The following SV2C variants were observed in gnomAD, a reference collection of about 807,000 sequenced individuals.
SV2C encodes synaptic vesicle glycoprotein 2C.
A neutral mutation model predicts 79.7 loss-of-function variants in SV2C; 49 were observed. That is an observed-to-expected ratio of 0.61 (90% CI 0.49 to 0.78). The LOEUF is 0.78. SV2C is among the 30% of genes least tolerant of loss of function. The probability of loss-of-function intolerance (pLI) is 0.00; values close to 1 mark genes in which losing one functional copy is unlikely to be tolerated. For missense variants in SV2C, 833 were observed against 912.9 expected (o/e 0.91, Z 1.13); for synonymous variants, 334 against 333.2 (o/e 1.00, Z -0.03).
chr5:76,235,242 C>T (rs1579971659), intron 4 of SV2C, among the ~76,000 whole-genome samples: 1 of 149,608 alleles, frequency 6.7e-6, no homozygotes, highest in East Asian at 2.0e-4. Flanking sequence ...TTTGAAAGGC[C>T]TAAAGTCAAG....
chr5:76,324,134 T>G (rs1748912887), intron 12 of SV2C, among the ~76,000 whole-genome samples: 1 of 152,156 alleles, frequency 6.6e-6, no homozygotes, highest in Admixed American at 6.5e-5. Context: ...TTCTCTTTAC[T>G]TATCTGATAG....
chr5:76,310,703 T>G (rs1217599524), intron 12 of SV2C, among the ~76,000 whole-genome samples: 3 of 152,064 alleles, frequency 2.0e-5, no homozygotes, highest in African/African-American at 4.8e-5. Context: ...AGACCTGGAA[T>G]AGTTCAAGTC....
the SV2C span, among the ~76,000 whole-genome samples, chr5:75,979,382 C>T: frequency 2.6e-5 from 4 of 151,904 alleles, no homozygotes; most frequent in African/African-American, 9.6e-5. Context: ...TCAAATGGAC[C>T]TGATGCCTAC....
At chr5:76,281,141 T>G in intron 4 of SV2C, 4 of 541,708 alleles carry the variant, frequency 7.4e-6, no homozygotes, top group South Asian at 4.1e-5. Flanking sequence ...TATGGACAAC[T>G]AAGTGAGAAG....
chr5:76,268,325 G>T (rs1265637766), intron 4 of SV2C, among the ~76,000 whole-genome samples: 1 of 152,146 alleles, frequency 6.6e-6, no homozygotes, highest in Admixed American at 6.5e-5. Flanking sequence ...ATGAATACTG[G>T]TGATACTGGA....
the SV2C span, among the ~76,000 whole-genome samples, chr5:76,056,632 T>C: frequency 1.4e-5 from 2 of 146,880 alleles, no homozygotes; most frequent in African/African-American, 5.0e-5. Context: ...TTCTTTTTTT[T>C]TTTTTTTTTT....
At chr5:75,977,462 C>T in the SV2C span, among the ~76,000 whole-genome samples, 4,098 of 152,280 alleles carry the variant, frequency 0.027, 163 homozygotes, top group African/African-American at 0.086. Flanking sequence ...TTCACTGGAA[C>T]TCCTATTTTA....
the SV2C span, among the ~76,000 whole-genome samples, chr5:75,952,814 T>C: frequency 6.6e-6 from 1 of 152,058 alleles, no homozygotes; most frequent in East Asian, 1.9e-4. Context: ...CTCAGGTATT[T>C]CTTTATAGCA....
chr5:76,233,742 T>A (rs1745515989), intron 4 of SV2C, among the ~76,000 whole-genome samples: 1 of 150,638 alleles, frequency 6.6e-6, no homozygotes, highest in Admixed American at 6.6e-5. Flanking sequence ...TGGATTACAT[T>A]TATTGATTTG....
chr5:76,049,024 A>AAAGAGAGAG, the SV2C span, among the ~76,000 whole-genome samples: 2 of 120,520 alleles, frequency 1.7e-5, no homozygotes, highest in Non-Finnish European at 3.5e-5. Flanking sequence ...AGAAAGAAAG[A>AAAGAGAGAG]AAAAGAAAAG....
chr5:76,285,851 A>G lies in SV2C; in HGVS notation c.1118A>G (p.Gln373Arg). ...IHDTNMRARGQPEKVFTVNKI... is the reference protein window; with the variant it reads ...IHDTNMRARGRPEKVFTVNKI... Reference sequence around the variant, plus strand: ...GACACCAACATGAGAGCCCGGGGTCAGCCTGAGAAGGTCTTCACGGTGAGT... The same window carrying G: ...GACACCAACATGAGAGCCCGGGGTCGGCCTGAGAAGGTCTTCACGGTGAGT... Residue 373 changes from glutamine to arginine, a missense_variant, in exon 6 of 13, where the codon CAG becomes CGG. By Grantham distance (43) the Gln-to-Arg change is conservative. Transcript: ENST00000502798. The G allele has an allele frequency of 6.2e-7, 1 of 1,614,110 alleles. No homozygotes were observed. Among genetic ancestry groups the G allele is most frequent in the African/African-American group, 1.3e-5 (1 of 75,074 alleles).
At chr5:76,194,784 C>T in intron 2 of SV2C, 135 bp from the exon 3 acceptor site, 2 of 1,061,764 alleles carry the variant, frequency 1.9e-6, no homozygotes, top group Non-Finnish European at 2.7e-6. Flanking sequence ...TTACTGTGTC[C>T]TGAAGGTTAT....
At chr5:75,881,997 T>G in the SV2C span, among the ~76,000 whole-genome samples, 5 of 149,634 alleles carry the variant, frequency 3.3e-5, no homozygotes, top group African/African-American at 1.3e-4. Flanking sequence ...ATTGAGAGTT[T>G]TTAGCATGAA....
chr5:76,316,108 A>G lies in SV2C; in HGVS notation c.2001-9256A>G, dbSNP rs189649074. Among the ~76,000 whole-genome samples, 8 of 152,312 alleles carry G rather than the reference A, an allele frequency of 5.3e-5. No individual in the cohort carries two copies. The East Asian group carries it at 1.5e-3, about 29-fold the overall frequency. On this transcript the variant is annotated intron_variant, in intron 12 of 12. Transcript: ENST00000502798. ...TTAAACAAAACATCAACATGAGAAA[A>G]CAGTAATATGAATGAAAAAAAAGCA... is the stretch of plus-strand genomic sequence containing the variant.
intron 4 of SV2C, among the ~76,000 whole-genome samples, chr5:76,239,818 C>G (rs1245439502): frequency 6.6e-6 from 1 of 152,190 alleles, no homozygotes; most frequent in Admixed American, 6.5e-5. Flanking sequence ...TCTGTTGCCA[C>G]CCATGCTAGC....
At chr5:75,886,582 T>C in the SV2C span, among the ~76,000 whole-genome samples, 1 of 152,174 alleles carries the variant, frequency 6.6e-6, no homozygotes, top group African/African-American at 2.4e-5. Flanking sequence ...CTGAAGCCAT[T>C]CTGGCTTTAA....
At chr5:76,111,414 G>A (rs1363758305) in intron 1 of SV2C, among the ~76,000 whole-genome samples, 1 of 152,170 alleles carries the variant, frequency 6.6e-6, no homozygotes, top group Non-Finnish European at 1.5e-5. Flanking sequence ...TGTGAATTAT[G>A]TGAGAGAAAT....
chr5:76,166,911 A>T (rs10072459), intron 2 of SV2C, among the ~76,000 whole-genome samples: 1 of 151,968 alleles, frequency 6.6e-6, no homozygotes, highest in Non-Finnish European at 1.5e-5. Context: ...ATGCTTGGGT[A>T]TGGGGTTTTA....
the SV2C span, among the ~76,000 whole-genome samples, chr5:75,958,607 G>A: frequency 6.6e-6 from 1 of 151,914 alleles, no homozygotes. Context: ...TTGGCCCTTT[G>A]GCTGCATCCT....
Sources: gnomAD v4.1 joint callset for allele counts (sites outside exome capture counted in the v4.1 genomes callset) on GRCh38, gnomAD v4.1.1 for gene constraint, MANE v1.5 for transcripts, NCBI Gene and HGNC (gene_info 2026-07-23, HGNC 2026-07-21) for gene names.